Variants in ASIP observed in about 807,000 individuals in gnomAD.
ASIP encodes the protein agouti signaling protein, also known as agouti-signaling protein.
A neutral mutation model predicts 10.3 loss-of-function variants in ASIP; 11 were observed. The observed-to-expected ratio is 1.07, with a 90% CI of 0.68 to 1.78. The LOEUF (loss-of-function observed/expected upper bound fraction) is 1.78, where lower values mean the gene tolerates loss of function less well. Ranked by LOEUF, ASIP falls within the 40% of genes most tolerant of loss-of-function variation. ASIP has a pLI of 0.00. For missense variants in ASIP, 180 were observed against 169.2 expected, an observed-to-expected ratio of 1.06 and a Z score of -0.35; for synonymous variants, 70 against 70.8, an observed-to-expected ratio of 0.99 and a Z score of 0.06.
intron 1 of ASIP, among the ~76,000 whole-genome samples, chr20:34,231,538 G>A (rs1031374654): frequency 1.4e-4 from 21 of 152,212 alleles, no homozygotes; most frequent in South Asian, 6.2e-4. Flanking sequence ...GGGCTTTGTC[G>A]AAATTAATAA....
chr20:34,215,396 G>A (rs2035000911), intron 1 of ASIP: 28 of 1,561,616 alleles, frequency 1.8e-5, no homozygotes, highest in Non-Finnish European at 2.4e-5. Context: ...GTATTCCTGT[G>A]AGCCTCCTCT....
chr20:34,221,319 G>A (rs1227287195), intron 1 of ASIP, among the ~76,000 whole-genome samples: 1 of 151,848 alleles, frequency 6.6e-6, no homozygotes, highest in Non-Finnish European at 1.5e-5. Context: ...CGGAGCTTAA[G>A]GTGAGCCGAG....
intron 1 of ASIP, among the ~76,000 whole-genome samples, chr20:34,218,893 G>A (rs932696693): frequency 3.3e-5 from 5 of 152,108 alleles, no homozygotes; most frequent in African/African-American, 1.2e-4. Context: ...TCGATCTCCT[G>A]ACCTCGTGAT....
intron 1 of ASIP, among the ~76,000 whole-genome samples, chr20:34,195,491 T>C (rs111422532): frequency 0.024 from 3,711 of 152,318 alleles, 91 homozygotes; most frequent in African/African-American, 0.065. Flanking sequence ...GCACTTACGC[T>C]GATGGCTTCA....
rs767121119 is a variant in ASIP at position 34,269,143 on chromosome 20, C to A, written c.375C>A (p.Cys125Ter). ...QCRFFRSACS[C>*]RVLSLNC The stretch of plus-strand genomic sequence containing the variant: ...GCTTCTTCCGCAGCGCCTGCTCCTG[C>A]CGCGTGCTCAGCCTCAACTGCTGAG... Residue 125 changes from cysteine to a stop codon, truncating the protein, a stop_gained, in exon 4 of 4, where the codon TGC becomes TGA. Coordinates refer to ENST00000374954, the MANE Select transcript of ASIP (RefSeq NM_001672.3). LOFTEE classifies it high-confidence loss of function. 6.5e-7 allele frequency: 1 copy of A among 1,548,610 alleles called. No homozygotes were observed. Among genetic ancestry groups the A allele is most frequent in the South Asian group, 1.2e-5 (1 of 84,188 alleles).
chr20:34,260,528 A>T lies in ASIP; in HGVS notation c.154A>T (p.Ile52Phe). ...VNLLDVPSVS[I>F]VALNKKSKQI... Reference sequence around the variant, plus strand: ...CCTACTGGATGTCCCTTCTGTCTCTATTGTGGGTAAGTCACCTAGCCTCTG... The same window carrying T: ...CCTACTGGATGTCCCTTCTGTCTCTTTTGTGGGTAAGTCACCTAGCCTCTG... The change falls in exon 2 of 4, where the codon ATT becomes TTT. Residue 52 changes from isoleucine to phenylalanine, a missense_variant. Physicochemically the swap from Ile to Phe is conservative, Grantham distance 21. Coordinates refer to ENST00000374954, the MANE Select transcript of ASIP (RefSeq NM_001672.3). The T allele has an allele frequency of 6.2e-7, 1 of 1,610,756 alleles. No individual in the cohort carries two copies. The highest frequency in any genetic ancestry group is 1.1e-5 in the South Asian group (1 of 90,622).
intron 1 of ASIP, among the ~76,000 whole-genome samples, chr20:34,205,890 T>A (rs1425568226): frequency 1.3e-5 from 2 of 151,886 alleles, no homozygotes; most frequent in African/African-American, 4.8e-5. Context: ...GCATTTACAA[T>A]CCTTTAGCTA....
rs758913102 is a variant in ASIP at position 34,269,008 on chromosome 20, G to T, written c.240G>T (p.Lys80Asn). Residue 80 changes from lysine to asparagine, a missense_variant, in exon 4 of 4, where the codon AAG (lysine) becomes AAT (asparagine). Physicochemically the swap from Lys to Asn is moderately conservative, Grantham distance 94. Coordinates refer to ENST00000374954, the MANE Select transcript of ASIP (RefSeq NM_001672.3). ...CCACGCAGAAGGAGGCTTCGATGAAGAAAGTGGTGCGGCCCCGGACCCCCC... is the reference window on the plus strand; with the variant it reads ...CCACGCAGAAGGAGGCTTCGATGAATAAAGTGGTGCGGCCCCGGACCCCCC... ...KRSSKKEASM[K>N]KVVRPRTPLS... 2.5e-6 allele frequency: 4 copies of T among 1,607,730 alleles called. No homozygotes were observed. The highest frequency in any genetic ancestry group is 1.7e-4 in the Middle Eastern group (1 of 6,040).
intron 1 of ASIP, among the ~76,000 whole-genome samples, chr20:34,223,407 A>G (rs1438010203): frequency 2.1e-5 from 3 of 141,336 alleles, no homozygotes; most frequent in South Asian, 2.3e-4. Flanking sequence ...GCCCCGTCTG[A>G]GAAGTGAGGA....
At chr20:34,192,993 A>C (rs1041015991), upstream of ASIP, among the ~76,000 whole-genome samples, 1 of 152,194 alleles carries the variant, frequency 6.6e-6, no homozygotes, top group African/African-American at 2.4e-5. Context: ...ATATGTAATA[A>C]ATTATTGTTA....
chr20:34,211,356 C>A (rs2034973601), intron 1 of ASIP, among the ~76,000 whole-genome samples: 1 of 152,208 alleles, frequency 6.6e-6, no homozygotes, highest in South Asian at 2.1e-4. Context: ...AGCCACCGTG[C>A]CCGGCCTCAT....
At chr20:34,255,806 G>T (rs2035557616) in intron 1 of ASIP, among the ~76,000 whole-genome samples, 1 of 152,204 alleles carries the variant, frequency 6.6e-6, no homozygotes, top group Non-Finnish European at 1.5e-5. Flanking sequence ...ACCTGGGAAG[G>T]CACCCATTAC....
At chr20:34,237,366 C>T (rs1043067029), upstream of ASIP, among the ~76,000 whole-genome samples, 2 of 152,114 alleles carry the variant, frequency 1.3e-5, no homozygotes, top group Non-Finnish European at 2.9e-5. Flanking sequence ...CTATAGTTGT[C>T]ATTGTACACA....
chr20:34,213,365 AAG>A, intron 1 of ASIP: 3 of 577,752 alleles, frequency 5.2e-6, no homozygotes, highest in Non-Finnish European at 9.1e-6. Context: ...AAAACAGTCT[AAG>A]ACAGAAAGTT....
At chr20:34,226,794 G>A (rs1027441337) in intron 1 of ASIP, among the ~76,000 whole-genome samples, 1 of 151,916 alleles carries the variant, frequency 6.6e-6, no homozygotes, top group South Asian at 2.1e-4. Flanking sequence ...TTGCTATGTT[G>A]ACCAGGCTGG....
rs552645020 is a variant in ASIP at position 34,226,608 on chromosome 20, C to T, written c.-11+31848C>T. ...ACCTCAAGTGATCCACCCGCCTCAG[C>T]CTCCTAAAGTGCTAGGATTATAGGA... On this transcript the variant is annotated intron_variant, in intron 1 of 3. Transcript: ENST00000568305. Among the ~76,000 whole-genome samples, 8 of 152,294 alleles carry T rather than the reference C, an allele frequency of 5.3e-5. No individual in the cohort carries two copies. In the East Asian group the frequency reaches 1.4e-3, roughly 26 times the overall value.
intron 1 of ASIP, among the ~76,000 whole-genome samples, chr20:34,219,017 A>G (rs1305653792): frequency 6.6e-6 from 1 of 152,206 alleles, no homozygotes; most frequent in Non-Finnish European, 1.5e-5. Flanking sequence ...AAATGTGAGA[A>G]TAGCTGGAAA....
At chr20:34,199,172 T>C (rs2122533946) in intron 1 of ASIP, among the ~76,000 whole-genome samples, 1 of 152,310 alleles carries the variant, frequency 6.6e-6, no homozygotes, top group South Asian at 2.1e-4. Flanking sequence ...TTATCCATAA[T>C]TTATTTATCT....
At chr20:34,260,665 G>A in intron 2 of ASIP, 131 bp downstream of exon 2, 2 of 1,087,282 alleles carry the variant, frequency 1.8e-6, no homozygotes, top group South Asian at 1.9e-5. Flanking sequence ...AAATAATCCT[G>A]GGAGAATAAG....
Sources: allele counts gnomAD v4.1 joint callset (sites outside exome capture counted in the v4.1 genomes callset), GRCh38; gene constraint gnomAD v4.1.1; transcripts MANE v1.5; gene names NCBI Gene and HGNC (gene_info 2026-07-23, HGNC 2026-07-21).